Variants in DIP2B observed in about 807,000 individuals in gnomAD.
The protein encoded by DIP2B is disco-interacting protein 2 homolog B.
A neutral mutation model predicts 198.0 loss-of-function variants in DIP2B; 76 were observed. The ratio of observed to expected loss-of-function variants is 0.38; its 90% CI spans 0.32 to 0.46. The LOEUF (loss-of-function observed/expected upper bound fraction) is 0.46, where lower values mean the gene tolerates loss of function less well. Among genes scored for constraint, DIP2B ranks in the 20% least tolerant of loss-of-function variants. DIP2B has a pLI of 0.99. For missense variants in DIP2B, 1,559 were observed against 1,978.4 expected, an observed-to-expected ratio of 0.79 and a Z score of 4.02; for synonymous variants, 701 against 739.1, an observed-to-expected ratio of 0.95 and a Z score of 0.84.
At chr12:50,703,140 T>A (rs1366557128) in intron 19 of DIP2B, among the ~76,000 whole-genome samples, 6 of 151,724 alleles carry the variant, frequency 4.0e-5, no homozygotes, top group Non-Finnish European at 8.8e-5. Context: ...GGAGGATTGT[T>A]TGAGCCTAGG....
chr12:50,653,341 C>CTT (rs1323702401), intron 3 of DIP2B, among the ~76,000 whole-genome samples: 1 of 70,142 alleles, frequency 1.4e-5, no homozygotes, highest in Non-Finnish European at 3.1e-5. Context: ...TTTTTTTTTT[C>CTT]TTTTCTTTTT....
intron 1 of DIP2B, among the ~76,000 whole-genome samples, chr12:50,587,666 G>A (rs983369862): frequency 8.6e-5 from 13 of 152,018 alleles, no homozygotes; most frequent in Admixed American, 7.2e-4. Flanking sequence ...TGTCTCCTAT[G>A]TTTTGAGATC....
At chr12:50,687,782 T>C (rs577656070) in intron 12 of DIP2B, among the ~76,000 whole-genome samples, 1 of 151,726 alleles carries the variant, frequency 6.6e-6, no homozygotes. Context: ...ACCTAATGCA[T>C]GCGGGGCTTA....
intron 1 of DIP2B, among the ~76,000 whole-genome samples, chr12:50,601,799 G>A (rs539922479): frequency 6.6e-6 from 1 of 152,068 alleles, no homozygotes; most frequent in South Asian, 2.1e-4. Context: ...TATTTAACCT[G>A]TTGTTTTTAT....
chr12:50,652,471 G>A (rs1329393216), intron 3 of DIP2B, among the ~76,000 whole-genome samples: 1 of 151,936 alleles, frequency 6.6e-6, no homozygotes, highest in African/African-American at 2.4e-5. Context: ...AGGAGGCAGA[G>A]GTTGCAGTGA....
At chr12:50,683,475 A>G (rs539582810) in intron 10 of DIP2B, among the ~76,000 whole-genome samples, 1 of 152,342 alleles carries the variant, frequency 6.6e-6, no homozygotes, top group East Asian at 1.9e-4. Flanking sequence ...AGTATTGCAT[A>G]TCATTTAAAA....
intron 1 of DIP2B, among the ~76,000 whole-genome samples, chr12:50,589,831 G>A (rs770847744): frequency 6.6e-6 from 1 of 152,126 alleles, no homozygotes; most frequent in African/African-American, 2.4e-5. Flanking sequence ...ATTAAGAGAG[G>A]TTAAGAGAAG....
intron 14 of DIP2B, among the ~76,000 whole-genome samples, chr12:50,694,991 G>C: frequency 6.6e-6 from 1 of 152,030 alleles, no homozygotes; most frequent in East Asian, 1.9e-4. Context: ...TATTTCTATG[G>C]GAACAAATAT....
intron 8 of DIP2B, chr12:50,679,362 C>T (rs1304628146): frequency 6.0e-6 from 1 of 166,304 alleles, no homozygotes; most frequent in Non-Finnish European, 1.3e-5. Flanking sequence ...ATGGGGTCAA[C>T]CCTGGGCTAT....
intron 1 of DIP2B, among the ~76,000 whole-genome samples, chr12:50,539,869 CTA>C (rs1958304606): frequency 6.6e-6 from 1 of 151,876 alleles, no homozygotes; most frequent in African/African-American, 2.4e-5. Context: ...TATGAATTTT[CTA>C]TGAGTGGAAT....
intron 1 of DIP2B, among the ~76,000 whole-genome samples, chr12:50,584,417 C>T (rs1958752073): frequency 6.6e-6 from 1 of 152,224 alleles, no homozygotes; most frequent in South Asian, 2.1e-4. Context: ...TCTCCGTCTG[C>T]ATTTCCACCA....
intron 1 of DIP2B, among the ~76,000 whole-genome samples, chr12:50,583,657 A>G (rs1958744926): frequency 6.6e-6 from 1 of 152,152 alleles, no homozygotes; most frequent in Non-Finnish European, 1.5e-5. Flanking sequence ...TTGAAAACAC[A>G]CTTACAGTTC....
intron 3 of DIP2B, among the ~76,000 whole-genome samples, chr12:50,647,481 C>T (rs2139495171): frequency 6.6e-6 from 1 of 152,310 alleles, no homozygotes; most frequent in South Asian, 2.1e-4. Flanking sequence ...CCCTCCTTTT[C>T]CTCTCCACCC....
At chr12:50,529,387 G>A (rs958170816) in intron 1 of DIP2B, among the ~76,000 whole-genome samples, 15 of 152,334 alleles carry the variant, frequency 9.8e-5, no homozygotes, top group African/African-American at 3.6e-4. Context: ...TAGGTGCAGG[G>A]CATTAGTGTA....
intron 1 of DIP2B, among the ~76,000 whole-genome samples, chr12:50,603,008 C>G (rs1161027811): frequency 6.7e-6 from 1 of 148,532 alleles, no homozygotes; most frequent in Non-Finnish European, 1.5e-5. Context: ...ACTAAAAATA[C>G]AAAAAATTAG....
chr12:50,738,329 T>A (rs947033560), intron 35 of DIP2B, among the ~76,000 whole-genome samples: 2 of 150,766 alleles, frequency 1.3e-5, no homozygotes, highest in Middle Eastern at 3.2e-3. Flanking sequence ...CTCTCAAAAA[T>A]AATAATAATA....
intron 1 of DIP2B, among the ~76,000 whole-genome samples, chr12:50,519,654 G>A (rs1175215998): frequency 1.3e-5 from 2 of 152,090 alleles, no homozygotes; most frequent in Admixed American, 6.6e-5. Context: ...GAGCTTCTGG[G>A]TTATTGATTC....
intron 1 of DIP2B, among the ~76,000 whole-genome samples, chr12:50,507,107 T>C (rs373917556): frequency 1.3e-5 from 2 of 152,218 alleles, no homozygotes; most frequent in East Asian, 3.8e-4. Context: ...TTCAGAAAGG[T>C]GTGAAACTTC....
intron 25 of DIP2B, among the ~76,000 whole-genome samples, chr12:50,719,435 A>G (rs1248960020): frequency 6.6e-6 from 1 of 152,184 alleles, no homozygotes; most frequent in African/African-American, 2.4e-5. Context: ...AAAAACCCTA[A>G]GTTATTTCTG....
Sources: gnomAD v4.1 joint callset for allele counts (sites outside exome capture counted in the v4.1 genomes callset) on GRCh38, gnomAD v4.1.1 for gene constraint, MANE v1.5 for transcripts, NCBI Gene and HGNC (gene_info 2026-07-23, HGNC 2026-07-21) for gene names.